The following IFNGR2 variants were observed in gnomAD, a reference collection of about 807,000 sequenced individuals.
IFNGR2 encodes IFN-gamma receptor 2.
IFNGR2 carries 15 observed loss-of-function variants against 41.1 expected under a neutral mutation model. The observed-to-expected ratio is 0.37, with a 90% CI of 0.24 to 0.56. The LOEUF is 0.56. IFNGR2 is among the 20% of genes least tolerant of loss of function. IFNGR2 has a pLI of 0.81. For synonymous variants in IFNGR2, 161 were observed against 171.6 expected (o/e 0.94, Z 0.48); for missense variants, 362 against 415.7 (o/e 0.87, Z 1.12).
chr21:33,418,747 T>C (rs756294984), intron 2 of IFNGR2, among the ~76,000 whole-genome samples: 21 of 152,308 alleles, frequency 1.4e-4, no homozygotes, highest in Middle Eastern at 6.8e-3. Context: ...TTAATTTTTT[T>C]TTTCTTCAAT....
At chr21:33,432,582 G>A in intron 5 of IFNGR2, 132 bp from the exon 6 acceptor site, 1 of 1,017,074 alleles carries the variant, frequency 9.8e-7, no homozygotes, top group Non-Finnish European at 1.6e-6. Flanking sequence ...ACCAGGTGAG[G>A]GTGGGGGGTA....
At position 33,434,703 on chromosome 21, in the gene IFNGR2, G is replaced by A. The variant is rs147132128; in HGVS notation, c.879+1832G>A. Among the ~76,000 whole-genome samples, 519 of 152,234 alleles carry A rather than the reference G, an allele frequency of 3.4e-3. 3 individuals carry two copies. Among genetic ancestry groups the A allele is most frequent in the Non-Finnish European group, 4.6e-3 (313 of 68,018 alleles). On this transcript the variant is annotated intron_variant, in intron 6 of 6. Coordinates refer to ENST00000290219, the MANE Select transcript of IFNGR2 (RefSeq NM_005534.4). ...CTTTCAGAAAGAACCCTAGTCACTT[G>A]TTCCTTCATCTGCCATGATGTATTG...
chr21:33,411,801 GAGA>G (rs1344142154), intron 1 of IFNGR2, among the ~76,000 whole-genome samples: 2 of 152,224 alleles, frequency 1.3e-5, no homozygotes, highest in African/African-American at 4.8e-5. Context: ...CTGGAGGCTC[GAGA>G]AGGACCCCAG....
intron 1 of IFNGR2, among the ~76,000 whole-genome samples, chr21:33,407,851 C>A (rs1034497070): frequency 7.0e-6 from 1 of 141,944 alleles, no homozygotes; most frequent in East Asian, 2.1e-4. Flanking sequence ...ACCGCACCCC[C>A]CCCCGCCAAC....
chr21:33,403,099 G>C (rs1226543207), upstream of IFNGR2: 2 of 151,490 alleles, frequency 1.3e-5, no homozygotes, highest in Non-Finnish European at 2.9e-5. Context: ...GAGTTGGGGG[G>C]GGTCAGGAGG....
intron 5 of IFNGR2, 145 bp from the exon 6 acceptor site, chr21:33,432,569 C>A: frequency 1.1e-6 from 1 of 952,124 alleles, no homozygotes; most frequent in Non-Finnish European, 1.7e-6. Context: ...TTAATGTAAG[C>A]ATACCAGGTG....
intron 6 of IFNGR2, among the ~76,000 whole-genome samples, chr21:33,433,724 G>A (rs1472542139): frequency 4.6e-5 from 7 of 152,222 alleles, no homozygotes; most frequent in Middle Eastern, 3.4e-3. Context: ...TGGCACTACC[G>A]AACTGTACAC....
At position 33,421,399 on chromosome 21, in the gene IFNGR2, C is replaced by T. The variant is rs2834214; in HGVS notation, c.207-81C>T. On this transcript the variant is annotated intron_variant, in intron 2 of 6. Coordinates refer to ENST00000290219, the MANE Select transcript of IFNGR2 (RefSeq NM_005534.4). ...TATAAATTGTATCTCAATAAACCTG[C>T]GTTTTGAACAAAAGCTCTGGGGAAA... is the stretch of plus-strand genomic sequence containing the variant. 0.49 allele frequency: 506,072 copies of T among 1,038,996 alleles called. 130,056 individuals carry two copies. The highest frequency in any genetic ancestry group is 0.53 in the Non-Finnish European group (353,851 of 663,614). The allele number at this position is 1,038,996 out of a possible 1,614,324, so 64.4% of individuals were successfully genotyped here.
intron 3 of IFNGR2, among the ~76,000 whole-genome samples, chr21:33,425,605 T>C (rs574280139): frequency 1.3e-5 from 2 of 152,230 alleles, no homozygotes; most frequent in Non-Finnish European, 2.9e-5. Flanking sequence ...AGAACGTGTG[T>C]GCTGGTGTCC....
chr21:33,429,792 T>C (rs1235279618), intron 4 of IFNGR2, among the ~76,000 whole-genome samples: 1 of 152,158 alleles, frequency 6.6e-6, no homozygotes, highest in African/African-American at 2.4e-5. Flanking sequence ...GCAAACAGTG[T>C]AGGGACGGTA....
chr21:33,412,283 G>T (rs1474570932), intron 1 of IFNGR2, among the ~76,000 whole-genome samples: 2 of 152,208 alleles, frequency 1.3e-5, no homozygotes, highest in African/African-American at 4.8e-5. Context: ...GACAAACTAG[G>T]AAGAAAGAGA....
chr21:33,437,512 T>C lies in IFNGR2; in HGVS notation c.*550T>C, dbSNP rs1387035381. ...TAAAAGATTGTATAGTGCATGTTTTTTAAAGTCTATGTGAAGTGTTTTCTT... is the reference window on the plus strand; with the variant it reads ...TAAAAGATTGTATAGTGCATGTTTTCTAAAGTCTATGTGAAGTGTTTTCTT... On this transcript the variant is annotated 3_prime_UTR_variant, in exon 7 of 7. Coordinates refer to ENST00000290219, the MANE Select transcript of IFNGR2 (RefSeq NM_005534.4). 2 of 153,062 alleles carry C rather than the reference T, an allele frequency of 1.3e-5. No individual in the cohort carries two copies. The highest frequency in any genetic ancestry group is 2.9e-5 in the Non-Finnish European group (2 of 68,646). The allele number at this position is 153,062 out of a possible 1,614,324, so 9.5% of individuals were successfully genotyped here. A position where few individuals can be genotyped will look rare whatever the true frequency, so the allele number is the denominator to read the frequency against.
intron 3 of IFNGR2, among the ~76,000 whole-genome samples, chr21:33,422,435 T>C (rs2083800726): frequency 6.6e-6 from 1 of 152,208 alleles, no homozygotes. Flanking sequence ...CGTCTAGATA[T>C]TTGATATATA....
At chr21:33,409,041 G>T (rs1338184215) in intron 1 of IFNGR2, among the ~76,000 whole-genome samples, 1 of 152,072 alleles carries the variant, frequency 6.6e-6, no homozygotes, top group Non-Finnish European at 1.5e-5. Context: ...GCTGGGCACA[G>T]TGGCGGGTGC....
chr21:33,428,780 CT>C (rs1189275983), intron 4 of IFNGR2, among the ~76,000 whole-genome samples: 1 of 152,226 alleles, frequency 6.6e-6, no homozygotes, highest in African/African-American at 2.4e-5. Flanking sequence ...TTTCTCCACC[CT>C]TTGGTTGCTT....
intron 2 of IFNGR2, among the ~76,000 whole-genome samples, chr21:33,415,765 C>G (rs1019697458): frequency 2.6e-5 from 4 of 152,168 alleles, no homozygotes; most frequent in African/African-American, 9.7e-5. Context: ...TAGCATAGCC[C>G]TTTCAAAGAG....
intron 1 of IFNGR2, chr21:33,411,353 C>T (rs571801898): frequency 4.1e-5 from 18 of 436,560 alleles, no homozygotes; most frequent in South Asian, 3.0e-4. Context: ...CTTGGTGCTT[C>T]CTTTCTGAAC....
chr21:33,407,849 C>G (rs1344626255), intron 1 of IFNGR2, among the ~76,000 whole-genome samples: 1 of 143,658 alleles, frequency 7.0e-6, no homozygotes, highest in Non-Finnish European at 1.5e-5. Flanking sequence ...CCACCGCACC[C>G]CCCCCCGCCA....
intron 4 of IFNGR2, among the ~76,000 whole-genome samples, chr21:33,427,842 A>ATT (rs2083852304): frequency 5.1e-5 from 2 of 39,450 alleles, no homozygotes; most frequent in Admixed American, 3.4e-4. Flanking sequence ...ATCTCATTTC[A>ATT]TCTTTTTTTT....
Sources: gnomAD v4.1 joint callset for allele counts (sites outside exome capture counted in the v4.1 genomes callset) on GRCh38, gnomAD v4.1.1 for gene constraint, MANE v1.5 for transcripts, NCBI Gene and HGNC (gene_info 2026-07-23, HGNC 2026-07-21) for gene names.